VPS13B: variants seen among roughly 807,000 people sequenced by gnomAD.
VPS13B encodes intermembrane lipid transfer protein VPS13B.
A neutral mutation model predicts 426.4 loss-of-function variants in VPS13B; 285 were observed. That is an observed-to-expected ratio of 0.67 (90% confidence interval 0.61 to 0.74). The LOEUF is 0.74. Ranked by LOEUF, VPS13B falls within the 30% of genes least tolerant of loss-of-function variation. VPS13B has a pLI of 0.00. For missense variants in VPS13B, 4,537 were observed against 4,782.6 expected, an observed-to-expected ratio of 0.95 and a Z score of 1.51; for synonymous variants, 1,676 against 1,676.4, an observed-to-expected ratio of 1.00 and a Z score of 0.01.
At position 99,640,049 on chromosome 8, in the gene VPS13B, G is replaced by GAAGAGAAA. The variant is rs1299280170; in HGVS notation, c.5221-1761_5221-1760insAGAGAAAA. ...ATAAGAAGAAGAAGAAGAAGAAGAA[G>GAAGAGAAA]AGAAAAGAAAAGAAAAGAAAAGAAA... On this transcript the variant is annotated intron_variant, in intron 33 of 61. Transcript: ENST00000357162. Among the ~76,000 whole-genome samples, 124 of 99,672 alleles carry GAAGAGAAA rather than the reference G, an allele frequency of 1.2e-3. 1 individual carries two copies. The highest frequency in any genetic ancestry group is 4.4e-3 in the Middle Eastern group (1 of 228). The allele number at this position is 99,672 out of a possible 152,430, so 65.4% of individuals were successfully genotyped here. A position where few individuals can be genotyped will look rare whatever the true frequency, so the allele number is the denominator to read the frequency against.
intron 36 of VPS13B, among the ~76,000 whole-genome samples, chr8:99,709,632 A>G (rs1310018071): frequency 6.6e-6 from 1 of 152,224 alleles, no homozygotes. Flanking sequence ...TAAAAGATAA[A>G]CAGATTTTTG....
intron 54 of VPS13B, among the ~76,000 whole-genome samples, chr8:99,843,187 G>A (rs975077445): frequency 6.6e-6 from 1 of 152,112 alleles, no homozygotes; most frequent in African/African-American, 2.4e-5. Context: ...GTGTCTTGCT[G>A]ACTGAAGTGC....
At chr8:99,606,776 C>T (rs935027323) in intron 33 of VPS13B, among the ~76,000 whole-genome samples, 3 of 151,908 alleles carry the variant, frequency 2.0e-5, no homozygotes, top group Non-Finnish European at 2.9e-5. Context: ...TACAGGCATG[C>T]GCAATCACGC....
At chr8:99,480,751 C>T (rs1450430804) in intron 24 of VPS13B, among the ~76,000 whole-genome samples, 3 of 152,186 alleles carry the variant, frequency 2.0e-5, no homozygotes, top group African/African-American at 7.2e-5. Context: ...ATCTGTTCTG[C>T]CCACATAAGA....
intron 3 of VPS13B, among the ~76,000 whole-genome samples, chr8:99,079,429 G>A (rs952184732): frequency 6.6e-6 from 1 of 152,134 alleles, no homozygotes; most frequent in African/African-American, 2.4e-5. Context: ...ATGTGGTTGT[G>A]GTGGATGTGG....
intron 19 of VPS13B, among the ~76,000 whole-genome samples, chr8:99,378,134 G>GCC (rs57177303): frequency 0.024 from 1,691 of 70,370 alleles, 86 homozygotes; most frequent in East Asian, 0.046. Context: ...CCATTTTAGA[G>GCC]CCCCCCCCCC....
At chr8:99,560,805 A>G (rs1218579442) in intron 31 of VPS13B, among the ~76,000 whole-genome samples, 2 of 152,204 alleles carry the variant, frequency 1.3e-5, no homozygotes, top group African/African-American at 2.4e-5. Flanking sequence ...AAGCCTTCCT[A>G]TTCCTTATCT....
At chr8:99,615,803 G>A (rs949260100) in intron 33 of VPS13B, among the ~76,000 whole-genome samples, 5 of 152,050 alleles carry the variant, frequency 3.3e-5, no homozygotes, top group South Asian at 2.1e-4. Context: ...CTTTCAGTTC[G>A]AGAATTCAGT....
intron 7 of VPS13B, among the ~76,000 whole-genome samples, chr8:99,116,817 G>C (rs1252666707): frequency 6.6e-6 from 1 of 152,156 alleles, no homozygotes; most frequent in Non-Finnish European, 1.5e-5. Context: ...TTCTGCAAAA[G>C]TTCACTTAAG....
At chr8:99,085,977 C>CTGTATTTCCTGAATTTGAATGTTGGCCT (rs1845760948) in intron 3 of VPS13B, among the ~76,000 whole-genome samples, 1 of 152,102 alleles carries the variant, frequency 6.6e-6, no homozygotes, top group Non-Finnish European at 1.5e-5. Flanking sequence ...GTTGCGTTTT[C>CTGTATTTCCTGAATTTGAATGTTGGCCT]TGTATTTCCT....
chr8:99,325,239 C>T (rs1810182891), intron 19 of VPS13B, among the ~76,000 whole-genome samples: 1 of 152,202 alleles, frequency 6.6e-6, no homozygotes, highest in Non-Finnish European at 1.5e-5. Flanking sequence ...GCATGAGCCA[C>T]TGTGCTCGGC....
chr8:99,160,285 G>C (rs1340384462), intron 15 of VPS13B, among the ~76,000 whole-genome samples: 1 of 152,126 alleles, frequency 6.6e-6, no homozygotes, highest in Non-Finnish European at 1.5e-5. Context: ...AAGCAGAGAT[G>C]TATAGTTTAA....
At chr8:99,386,191 A>G (rs1233914279) in intron 20 of VPS13B, among the ~76,000 whole-genome samples, 1 of 152,200 alleles carries the variant, frequency 6.6e-6, no homozygotes, top group Non-Finnish European at 1.5e-5. Flanking sequence ...ATATCCCTGA[A>G]GGTCAAGTAG....
At chr8:99,815,586 A>G (rs1813984584) in intron 44 of VPS13B, among the ~76,000 whole-genome samples, 1 of 152,174 alleles carries the variant, frequency 6.6e-6, no homozygotes, top group Non-Finnish European at 1.5e-5. Flanking sequence ...ATGTCTGCTC[A>G]TACCATGACC....
At chr8:99,495,581 C>T (rs1820841719) in intron 25 of VPS13B, among the ~76,000 whole-genome samples, 1 of 152,148 alleles carries the variant, frequency 6.6e-6, no homozygotes, top group Admixed American at 6.5e-5. Flanking sequence ...CTGACAAAGA[C>T]ATTTTATGTG....
intron 3 of VPS13B, among the ~76,000 whole-genome samples, chr8:99,042,156 T>G (rs185182438): frequency 3.9e-5 from 6 of 152,160 alleles, no homozygotes; most frequent in Admixed American, 3.3e-4. Context: ...AAAAAAAAAT[T>G]TGAAAATCAT....
At chr8:99,780,648 A>G (rs1420960613) in intron 42 of VPS13B, among the ~76,000 whole-genome samples, 1 of 152,150 alleles carries the variant, frequency 6.6e-6, no homozygotes, top group Non-Finnish European at 1.5e-5. Flanking sequence ...GTTCTGATTT[A>G]TACAGGGATT....
At chr8:99,642,558 ATAG>A (rs1829412433) in intron 34 of VPS13B, 60 bp downstream of exon 34, 1 of 1,439,726 alleles carries the variant, frequency 6.9e-7, no homozygotes, top group African/African-American at 1.4e-5. Flanking sequence ...TTGTATTCCC[ATAG>A]TTTCCAGATT....
chr8:99,823,782 G>T, intron 50 of VPS13B, 50 bp from the exon 51 acceptor site: 1 of 1,578,098 alleles, frequency 6.3e-7, no homozygotes, highest in South Asian at 1.1e-5. Flanking sequence ...AAGAGATTTT[G>T]ATATGCCTTA....
Sources: gnomAD v4.1 joint callset for allele counts (sites outside exome capture counted in the v4.1 genomes callset) on GRCh38, gnomAD v4.1.1 for gene constraint, MANE v1.5 for transcripts, NCBI Gene and HGNC (gene_info 2026-07-23, HGNC 2026-07-21) for gene names.